Variants in GRIK2 observed in about 807,000 individuals in gnomAD.
The protein encoded by GRIK2 is glutamate ionotropic receptor kainate type subunit 2.
In GRIK2, 32 loss-of-function variants were observed where a neutral mutation model predicts 100.3. The ratio of observed to expected loss-of-function variants is 0.32; its 90% CI spans 0.24 to 0.43. GRIK2 has a LOEUF of 0.43. Among genes scored for constraint, GRIK2 ranks in the 20% least tolerant of loss-of-function variants. The pLI, the probability that GRIK2 is intolerant of heterozygous loss-of-function variation, is 1.00. For synonymous variants in GRIK2, 417 were observed against 389.4 expected (o/e 1.07, Z -0.83); for missense variants, 843 against 1,114.9 (o/e 0.76, Z 3.47).
At chr6:101,478,854 T>C (rs1772390136) in intron 2 of GRIK2, among the ~76,000 whole-genome samples, 1 of 152,152 alleles carries the variant, frequency 6.6e-6, no homozygotes, top group Non-Finnish European at 1.5e-5. Context: ...TTTGCCTCAT[T>C]CCACCATCTT....
intron 10 of GRIK2, among the ~76,000 whole-genome samples, chr6:101,839,835 G>A (rs1783385869): frequency 6.6e-6 from 1 of 152,100 alleles, no homozygotes; most frequent in South Asian, 2.1e-4. Context: ...CTGGAAATGG[G>A]ATTGAGGTAA....
chr6:101,654,754 T>C (rs1781976591), intron 4 of GRIK2, among the ~76,000 whole-genome samples: 1 of 152,104 alleles, frequency 6.6e-6, no homozygotes, highest in South Asian at 2.1e-4. Context: ...TGGGTTATTG[T>C]TCCACTTTAA....
intron 14 of GRIK2, among the ~76,000 whole-genome samples, chr6:101,953,540 AT>A (rs1370426719): frequency 2.0e-5 from 3 of 152,132 alleles, no homozygotes; most frequent in Admixed American, 6.5e-5. Context: ...TTATGTGCTT[AT>A]TCACCATTTG....
In GRIK2 at chr6:101,706,362, A is replaced by T. The variant is rs78212039; in HGVS notation, c.951+20009A>T. On this transcript the variant is annotated intron_variant, in intron 7 of 16. Transcript: ENST00000369134. ...ATATATGTCTGTTGACATATTTGTTATTCAAATTCAAATTTTCTTTCTCAT... is the reference window on the plus strand; with the variant it reads ...ATATATGTCTGTTGACATATTTGTTTTTCAAATTCAAATTTTCTTTCTCAT... Among the ~76,000 whole-genome samples the T allele has an allele frequency of 4.2e-3, 643 of 152,096 alleles. 2 individuals are homozygous for T. The highest frequency in any genetic ancestry group is 6.2e-3 in the Non-Finnish European group (424 of 67,934).
intron 7 of GRIK2, among the ~76,000 whole-genome samples, chr6:101,696,692 A>G (rs1314005806): frequency 6.6e-6 from 1 of 151,956 alleles, no homozygotes; most frequent in Non-Finnish European, 1.5e-5. Context: ...TTAACTCAAG[A>G]CATCATGGGG....
At position 101,589,453 on chromosome 6, in the gene GRIK2, C is replaced by T. The variant is rs536531948; in HGVS notation, c.116-32496C>T. Among the ~76,000 whole-genome samples, 88 of 152,236 alleles carry T rather than the reference C, an allele frequency of 5.8e-4. 1 individual carries two copies. The South Asian group carries it at 0.017, about 30-fold the overall frequency. Reference sequence around the variant, plus strand: ...GACCAATATCTCTCCAACACCCACCCACCACCACAACTATTCTAGCTGCCA... The same window carrying T: ...GACCAATATCTCTCCAACACCCACCTACCACCACAACTATTCTAGCTGCCA... On this transcript the variant is annotated intron_variant, in intron 2 of 16. Coordinates refer to ENST00000369134, the MANE Select transcript of GRIK2 (RefSeq NM_021956.5).
chr6:101,753,756 A>G (rs1279728928), intron 7 of GRIK2, among the ~76,000 whole-genome samples: 1 of 152,078 alleles, frequency 6.6e-6, no homozygotes, highest in East Asian at 1.9e-4. Context: ...ACATATTAAT[A>G]AGGCATTGCT....
intron 14 of GRIK2, among the ~76,000 whole-genome samples, chr6:101,982,166 A>G (rs1233978367): frequency 1.3e-5 from 2 of 151,894 alleles, no homozygotes; most frequent in Non-Finnish European, 2.9e-5. Flanking sequence ...TTCAGCAAAT[A>G]GAATTGGTGG....
In GRIK2 at chr6:101,676,874, A is replaced by C; in HGVS notation, c.723+70A>C. On this transcript the variant is annotated intron_variant, in intron 5 of 16. Coordinates refer to ENST00000369134, the MANE Select transcript of GRIK2 (RefSeq NM_021956.5). ...CACTTACAATATGATCTTCTTTTAA[A>C]TCAAAATATTATTGTTATGCAATCA... 1.3e-5 allele frequency: 11 copies of C among 866,700 alleles called. No individual in the cohort carries two copies. In the South Asian group the frequency reaches 1.9e-4, roughly 15 times the overall value. The allele number at this position is 866,700 out of a possible 1,614,324, so 53.7% of individuals were successfully genotyped here.
chr6:101,731,588 A>G (rs1396882680), intron 7 of GRIK2, among the ~76,000 whole-genome samples: 1 of 151,986 alleles, frequency 6.6e-6, no homozygotes, highest in Non-Finnish European at 1.5e-5. Flanking sequence ...GTGTTTAAAT[A>G]AAAAGCTATA....
intron 2 of GRIK2, among the ~76,000 whole-genome samples, chr6:101,414,554 G>A (rs945679683): frequency 6.6e-6 from 1 of 152,060 alleles, no homozygotes; most frequent in African/African-American, 2.4e-5. Context: ...TGCAGATTTG[G>A]GTATTTCAGG....
intron 14 of GRIK2, among the ~76,000 whole-genome samples, chr6:101,984,614 AACACACACACACACACACAC>A (rs10678285): frequency 3.2e-4 from 42 of 129,248 alleles, no homozygotes; most frequent in African/African-American, 1.1e-3. Flanking sequence ...TACACATTAA[AACACACACACACACACACAC>A]ACACACACAC....
intron 2 of GRIK2, among the ~76,000 whole-genome samples, chr6:101,607,620 G>C (rs1406752364): frequency 6.6e-6 from 1 of 151,836 alleles, no homozygotes; most frequent in South Asian, 2.1e-4. Context: ...AATTTGTTTA[G>C]TAGTTTAAGC....
In GRIK2 at chr6:101,560,593, AAAC is replaced by A. The variant is rs1234360285; in HGVS notation, c.116-61350_116-61348del. Among the ~76,000 whole-genome samples, 14 of 152,238 alleles carry A rather than the reference AAAC, an allele frequency of 9.2e-5. 1 individual carries two copies. Among genetic ancestry groups the A allele is most frequent in the African/African-American group, 3.1e-4 (13 of 41,568 alleles). ...GGACATTTAAAAAAAATTGATAATT[AAAC>A]AACAATATATACTGTTAAAACTGCA... On this transcript the variant is annotated intron_variant, in intron 2 of 16. Transcript: ENST00000369134.
rs1391044656 is a variant in GRIK2, at chr6:101,553,166, T to A, written c.116-68783T>A. Among the ~76,000 whole-genome samples the A allele has an allele frequency of 3.3e-5, 5 of 152,204 alleles. No homozygotes were observed. The South Asian group carries it at 8.3e-4, about 25-fold the overall frequency. On this transcript the variant is annotated intron_variant, in intron 2 of 16. Transcript: ENST00000369134. ...CAATTGAGTACAATGTCATAAACAC[T>A]ACAATAGATTTATATACTGAATATT...
At chr6:101,866,933 T>G (rs918110802) in intron 11 of GRIK2, among the ~76,000 whole-genome samples, 1 of 151,988 alleles carries the variant, frequency 6.6e-6, no homozygotes, top group Non-Finnish European at 1.5e-5. Flanking sequence ...TGTGTGTGTG[T>G]GTTTTCATAT....
chr6:101,832,717 C>A (rs1238095168), intron 10 of GRIK2, among the ~76,000 whole-genome samples: 3 of 152,166 alleles, frequency 2.0e-5, no homozygotes, highest in Non-Finnish European at 4.4e-5. Context: ...CTGTAATATA[C>A]ATTTCATTTT....
rs60301711 is a variant in GRIK2, at chr6:101,719,138, G to GTTTTT, written c.951+32819_951+32823dup. Among the ~76,000 whole-genome samples the GTTTTT allele has an allele frequency of 5.6e-4, 57 of 101,130 alleles. 5 individuals are homozygous for GTTTTT. Among genetic ancestry groups the GTTTTT allele is most frequent in the African/African-American group, 2.1e-3 (43 of 20,110 alleles). The allele number at this position is 101,130 out of a possible 152,430, so 66.3% of individuals were successfully genotyped here. On this transcript the variant is annotated intron_variant, in intron 7 of 16. Transcript: ENST00000369134. ...CTGAAATGTGCAACAGGCTGCAAGG[G>GTTTTT]TTTTTTTTTTTTTTTTTTTTTTTTT...
At chr6:101,397,132 C>T (rs1426092547) in intron 1 of GRIK2, among the ~76,000 whole-genome samples, 1 of 152,042 alleles carries the variant, frequency 6.6e-6, no homozygotes, top group Non-Finnish European at 1.5e-5. Context: ...TTCTCAGGTT[C>T]CAATAAATGC....
Sources: gnomAD v4.1 joint callset for allele counts (sites outside exome capture counted in the v4.1 genomes callset) on GRCh38, gnomAD v4.1.1 for gene constraint, MANE v1.5 for transcripts, NCBI Gene and HGNC (gene_info 2026-07-23, HGNC 2026-07-21) for gene names.